The following MYO1C variants were observed in gnomAD, a reference collection of about 807,000 sequenced individuals.
MYO1C encodes the protein myosin IC.
In MYO1C, 104 loss-of-function variants were observed where a neutral mutation model predicts 150.8. The observed-to-expected ratio is 0.69, with a 90% CI of 0.59 to 0.81. The LOEUF (loss-of-function observed/expected upper bound fraction) is 0.81. MYO1C is among the 30% of genes least tolerant of loss of function. The probability of loss-of-function intolerance (pLI) is 0.00; values close to 1 mark genes in which losing one functional copy is unlikely to be tolerated. For synonymous variants in MYO1C, 663 were observed against 579.9 expected, an observed-to-expected ratio of 1.14 and a Z score of -2.06; for missense variants, 1,504 against 1,435.0, an observed-to-expected ratio of 1.05 and a Z score of -0.78.
Position 1,474,804 on chromosome 17 carries a change from C to A in MYO1C, c.1716+8G>T. The A allele has an allele frequency of 6.2e-7, 1 of 1,613,988 alleles. No individual in the cohort carries two copies. The highest frequency in any genetic ancestry group is 8.5e-7 in the Non-Finnish European group (1 of 1,179,914). ...ACCCCCACCCCGGCCTCCCCACGTCCTCCTCACCTCCTTAAGGTTCCGGAA... is the reference window on the plus strand; with the variant it reads ...ACCCCCACCCCGGCCTCCCCACGTCATCCTCACCTCCTTAAGGTTCCGGAA... On this transcript the variant is annotated splice_region_variant and intron_variant, in intron 16 of 31. Transcript: ENST00000648651.
chr17:1,486,600 C>A (rs1345500990), intron 1 of MYO1C, among the ~76,000 whole-genome samples: 2 of 152,090 alleles, frequency 1.3e-5, no homozygotes, highest in East Asian at 3.8e-4. Flanking sequence ...ACTGCAACCT[C>A]TGCCTCCCGG....
rs763635061 is a variant in MYO1C, at chr17:1,480,718, C to T, written c.795G>A (p.Leu265=). 4 of 1,614,050 alleles carry T rather than the reference C, an allele frequency of 2.5e-6. No individual in the cohort carries two copies. The highest frequency in any genetic ancestry group is 2.2e-5 in the East Asian group (1 of 44,888). The change falls in exon 6 of 32, where the codon CTG becomes CTA. Residue 265 remains leucine, a synonymous_variant. Coordinates refer to ENST00000648651, the MANE Select transcript of MYO1C (RefSeq NM_001080779.2). ...LGLERNPQSY[L]YLVKGQCAKV... is the part of the protein sequence containing the mutation. ...GCCAGCCACTCACCTTCACCAGGTACAGGTAGCTCTGGGGGTTCCGTTCCA... is the reference window on the plus strand; with the variant it reads ...GCCAGCCACTCACCTTCACCAGGTATAGGTAGCTCTGGGGGTTCCGTTCCA...
chr17:1,467,178 G>T, intron 31 of MYO1C, 64 bp downstream of exon 31: 1 of 1,481,606 alleles, frequency 6.7e-7, no homozygotes, highest in Non-Finnish European at 9.2e-7. Context: ...GCTCTGCCAA[G>T]CACAGCCAAG....
intron 29 of MYO1C, 34 bp downstream of exon 29, chr17:1,467,806 C>T (rs769166989): frequency 6.5e-6 from 7 of 1,073,674 alleles, no homozygotes; most frequent in Non-Finnish European, 9.6e-6. Context: ...CCTCCCCCAT[C>T]CCCCACCACT....
At chr17:1,485,376 C>G in intron 1 of MYO1C, 3 of 163,848 alleles carry the variant, frequency 1.8e-5, no homozygotes, top group Non-Finnish European at 2.7e-5. Flanking sequence ...GCCTGCCCCT[C>G]CCAGGCTTGT....
intron 1 of MYO1C, chr17:1,485,666 C>A (rs2074638073): frequency 8.3e-7 from 1 of 1,210,178 alleles, no homozygotes; most frequent in Non-Finnish European, 1.0e-6. Context: ...CGGGACCCCC[C>A]GCCCTGCCCC....
chr17:1,485,262 A>T (rs1484514102), intron 1 of MYO1C: 2 of 1,163,268 alleles, frequency 1.7e-6, no homozygotes, highest in African/African-American at 3.3e-5. Context: ...GGACACCCAG[A>T]GTATCCAGGG....
chr17:1,488,525 G>C (rs1372775506), intron 1 of MYO1C, among the ~76,000 whole-genome samples: 1 of 152,242 alleles, frequency 6.6e-6, no homozygotes, highest in African/African-American at 2.4e-5. Flanking sequence ...CGTGAGGTCC[G>C]TATCATCACT....
Position 1,473,996 on chromosome 17 carries a change from C to T in MYO1C, c.1797+614G>A, listed in dbSNP as rs180914180. On this transcript the variant is annotated intron_variant, in intron 17 of 31. Coordinates refer to ENST00000648651, the MANE Select transcript of MYO1C (RefSeq NM_001080779.2). ...TATAAATGTCTGCTGAGTGGGTAGA[C>T]ACATGACAGCAACCGCACAGAGGCA... Among the ~76,000 whole-genome samples the T allele has an allele frequency of 4.6e-5, 7 of 152,260 alleles. No homozygotes were observed. In the East Asian group the frequency reaches 1.4e-3, roughly 29 times the overall value.
At chr17:1,485,469 G>A in intron 1 of MYO1C, 1 of 666,730 alleles carries the variant, frequency 1.5e-6, no homozygotes, top group Non-Finnish European at 1.9e-6. Flanking sequence ...CGGGTCAGGG[G>A]TCTCCGCGTT....
intron 7 of MYO1C, 55 bp downstream of exon 7, chr17:1,480,472 A>C: frequency 1.4e-6 from 2 of 1,408,716 alleles, no homozygotes; most frequent in Non-Finnish European, 1.0e-6. Context: ...CAAAAAAAAA[A>C]GGAGATTTTG....
chr17:1,469,555 A>G lies in MYO1C; in HGVS notation c.2586T>C (p.Ser862=). ...IKNMVWKYCR[S]ISPEWKQQLQ... ...CCTGCTGCTTCCACTCAGGGCTGATACTCCGGCAGTATTTCCACACCATGT... is the reference window on the plus strand; with the variant it reads ...CCTGCTGCTTCCACTCAGGGCTGATGCTCCGGCAGTATTTCCACACCATGT... The change falls in exon 25 of 32, where the codon AGT becomes AGC. Residue 862 remains serine (S), a synonymous_variant. Coordinates refer to ENST00000648651, the MANE Select transcript of MYO1C (RefSeq NM_001080779.2). The G allele has an allele frequency of 6.2e-7, 1 of 1,612,854 alleles. No homozygotes were observed. The highest frequency in any genetic ancestry group is 1.3e-5 in the African/African-American group (1 of 74,966).
chr17:1,476,854 T>G (rs1367085964), intron 14 of MYO1C, among the ~76,000 whole-genome samples: 5 of 152,250 alleles, frequency 3.3e-5, no homozygotes, highest in African/African-American at 1.2e-4. Flanking sequence ...GTTTTTTTTT[T>G]TGGGGTTGAA....
At position 1,479,804 on chromosome 17, in the gene MYO1C, CG is replaced by C; in HGVS notation, c.907-100del. 6.2e-6 allele frequency: 5 copies of C among 812,876 alleles called. No individual in the cohort carries two copies. Among genetic ancestry groups the C allele is most frequent in the Non-Finnish European group, 1.0e-5 (5 of 493,690 alleles). 50.4% of individuals were successfully genotyped at this position (812,876 alleles called of 1,614,324 possible). A position where few individuals can be genotyped will look rare whatever the true frequency, so the allele number is the denominator to read the frequency against. ...CATGCAGGGGTGGGTGGTGAAGTGT[CG>C]GAGAGAAGGGGCTGGAAGTGGGAAT... On this transcript the variant is annotated intron_variant, in intron 7 of 31. Transcript: ENST00000648651. The surrounding 1 kb of genome is among the most constrained non-coding windows in gnomAD (Gnocchi z 4.2).
At chr17:1,468,837 T>C (rs906533497) in intron 25 of MYO1C, 2 of 428,968 alleles carry the variant, frequency 4.7e-6, no homozygotes, top group Admixed American at 3.6e-5. Context: ...TCAAGGTTAC[T>C]GGGTGGGCCC....
In MYO1C at chr17:1,471,568, C is replaced by T. The variant is rs527923187; in HGVS notation, c.2022-232G>A. 1.3e-5 allele frequency among the ~76,000 whole-genome samples: 2 copies of T among 152,302 alleles called. No homozygotes were observed. Among genetic ancestry groups the T allele is most frequent in the African/African-American group, 2.4e-5 (1 of 41,554 alleles). On this transcript the variant is annotated intron_variant, in intron 19 of 31. Coordinates refer to ENST00000648651, the MANE Select transcript of MYO1C (RefSeq NM_001080779.2). The stretch of plus-strand genomic sequence containing the variant: ...AATTCAGTTTGACCCCCCAGGCCCC[C>T]GACTCAGAAGAACCACAAAGCTGCT...
At chr17:1,483,996 C>T (rs2074595266) in intron 2 of MYO1C, 152 bp downstream of exon 2, 9 of 978,576 alleles carry the variant, frequency 9.2e-6, no homozygotes, top group East Asian at 2.6e-5. Flanking sequence ...GAGCTGAGAT[C>T]GCGCCACTGC....
rs2074271045 is a variant in MYO1C at position 1,470,218 on chromosome 17, A to T, written c.2483T>A (p.Val828Asp). The T allele has an allele frequency of 6.2e-7, 1 of 1,611,774 alleles. No homozygotes were observed. Among genetic ancestry groups the T allele is most frequent in the Non-Finnish European group, 8.5e-7 (1 of 1,179,550 alleles). ...LNLRRQLPQNVLDTSWPTPPP... is the reference protein window; with the variant it reads ...LNLRRQLPQNDLDTSWPTPPP... ...GGGCGTGGGCCACGAGGTGTCCAGG[A>T]CATTCTGGGGCAGCTGCCGCCTCAG... The change falls in exon 24 of 32, where the codon GTC (valine) becomes GAC (aspartate). Residue 828 changes from valine (V) to aspartate (D), a missense_variant. Val to Asp is a radical substitution (Grantham distance 152, BLOSUM62 -3). Transcript: ENST00000648651.
intron 14 of MYO1C, 75 bp downstream of exon 14, chr17:1,477,430 C>T (rs541914636): frequency 2.6e-5 from 36 of 1,361,950 alleles, no homozygotes; most frequent in South Asian, 2.1e-4. Flanking sequence ...TTTGTGATGG[C>T]GGAGGGACTC....
Sources: gnomAD v4.1 joint callset for allele counts (sites outside exome capture counted in the v4.1 genomes callset) on GRCh38, gnomAD v4.1.1 for gene constraint, Gnocchi (gnomAD v3.1) non-coding constraint, MANE v1.5 for transcripts, NCBI Gene and HGNC (gene_info 2026-07-23, HGNC 2026-07-21) for gene names.